SRPRA: variants seen among roughly 807,000 people sequenced by gnomAD.
SRPRA encodes SRP receptor subunit alpha.
Under a neutral mutation model 61.1 loss-of-function variants are expected in SRPRA, and 30 were observed. The observed-to-expected ratio is 0.49, with a 90% CI of 0.37 to 0.67. The LOEUF is 0.67. SRPRA is among the 30% of genes least tolerant of loss of function. The probability of loss-of-function intolerance (pLI) is 0.00; values close to 1 mark genes in which losing one functional copy is unlikely to be tolerated. For synonymous variants in SRPRA, 324 were observed against 299.7 expected (o/e 1.08, Z -0.84); for missense variants, 759 against 828.4 (o/e 0.92, Z 1.03).
At chr11:126,242,281 G>T in the SRPRA span, among the ~76,000 whole-genome samples, 1 of 152,078 alleles carries the variant, frequency 6.6e-6, no homozygotes, top group Non-Finnish European at 1.5e-5. Context: ...AAAACTGTTA[G>T]GCTGAAAGGA....
chr11:126,266,247 T>C lies in SRPRA; in HGVS notation c.872A>G (p.Gln291Arg), dbSNP rs1950807347. ...IRGTGSGGQL[Q>R]DLDCSSSDDE... ...ATCAGAGCTGCTGCAGTCCAGATCC[T>C]GAAGCTGCCCCCCAGACCCAGTCCC... Residue 291 changes from glutamine to arginine, a missense_variant, in exon 7 of 14, where the codon CAG becomes CGG. Coordinates refer to ENST00000332118, the MANE Select transcript of SRPRA (RefSeq NM_003139.4). 1 of 1,614,044 alleles carries C rather than the reference T, an allele frequency of 6.2e-7. No homozygotes were observed. Among genetic ancestry groups the C allele is most frequent in the African/African-American group, 1.3e-5 (1 of 74,926 alleles).
In SRPRA at chr11:126,266,620, C is replaced by A. The variant is rs771110276; in HGVS notation, c.696G>T (p.Thr232=). 6.2e-7 allele frequency: 1 copy of A among 1,613,806 alleles called. No individual in the cohort carries two copies. Among genetic ancestry groups the A allele is most frequent in the East Asian group, 2.2e-5 (1 of 44,876 alleles). The change falls in exon 6 of 14, where the codon ACG becomes ACT. Residue 232 remains threonine (T), a synonymous_variant. Transcript: ENST00000332118. ...CCTTCTCCTTTGGAGCATCTGACTT[C>A]GTGGACTTGCTGCAACAGGTTATGA... The part of the protein sequence containing the change: ...GRGMEKSNKS[T]KSDAPKEKGK...
chr11:126,261,185 TGTC>T (rs1239243865), downstream of SRPRA: 2 of 352,854 alleles, frequency 5.7e-6, no homozygotes, highest in Non-Finnish European at 9.8e-6. Flanking sequence ...TAAAATGTTT[TGTC>T]TACAAGCAAT....
chr11:126,241,687 T>G, the SRPRA span, among the ~76,000 whole-genome samples: 6 of 152,118 alleles, frequency 3.9e-5, no homozygotes, highest in East Asian at 1.2e-3. Flanking sequence ...GTAGGTGGGA[T>G]TACAGGCATG....
downstream of SRPRA, among the ~76,000 whole-genome samples, chr11:126,258,685 A>G (rs572363612): frequency 6.6e-6 from 1 of 152,318 alleles, no homozygotes; most frequent in East Asian, 1.9e-4. Flanking sequence ...AGACTTTGAG[A>G]AGGCTTTTCT....
At position 126,267,572 on chromosome 11, in the gene SRPRA, T is replaced by C. The variant is rs1223475545; in HGVS notation, c.342A>G (p.Gln114=). 2 of 1,614,068 alleles carry C rather than the reference T, an allele frequency of 1.2e-6. No homozygotes were observed. Among genetic ancestry groups the C allele is most frequent in the Non-Finnish European group, 8.5e-7 (1 of 1,180,026 alleles). ...ACCGAAGGAGCCGCAGGAAGTCATTTTGGAAATCAAAAGTGCCATTTAATA... is the reference window on the plus strand; with the variant it reads ...ACCGAAGGAGCCGCAGGAAGTCATTCTGGAAATCAAAAGTGCCATTTAATA... ...LSLLNGTFDF[Q]NDFLRLLREA... The change falls in exon 3 of 14, where the codon CAA becomes CAG. Residue 114 remains glutamine, a synonymous_variant. Transcript: ENST00000332118. The surrounding 1 kb of genome is among the most constrained non-coding windows in gnomAD (Gnocchi z 4.2).
At chr11:126,259,674 C>G (rs944060454), downstream of SRPRA, among the ~76,000 whole-genome samples, 1 of 151,702 alleles carries the variant, frequency 6.6e-6, no homozygotes, top group Non-Finnish European at 1.5e-5. Flanking sequence ...ATCCACCCGC[C>G]CTGGCCTCCC....
Position 126,264,591 on chromosome 11 carries a change from G to T in SRPRA, c.1526-52C>A. Reference sequence around the variant, plus strand: ...AACACCTGGACTACCACTCATGCTCGTTCCCAGCTTCCTCTCAAAAAGTCC... The same window carrying T: ...AACACCTGGACTACCACTCATGCTCTTTCCCAGCTTCCTCTCAAAAAGTCC... On this transcript the variant is annotated intron_variant, in intron 11 of 13. Coordinates refer to ENST00000332118, the MANE Select transcript of SRPRA (RefSeq NM_003139.4). This position sits in a 1 kb window ranked among gnomAD's most constrained non-coding sequence, Gnocchi z 5.0. 6.3e-7 allele frequency: 1 copy of T among 1,589,774 alleles called. No individual in the cohort carries two copies.
In SRPRA at chr11:126,265,033, C is replaced by T. The variant is rs569693482; in HGVS notation, c.1451G>A (p.Arg484His). The change falls in exon 11 of 14, where the codon CGC (arginine) becomes CAC (histidine). Residue 484 changes from arginine to histidine, a missense_variant. Transcript: ENST00000332118. The surrounding 1 kb of genome is among the most constrained non-coding windows in gnomAD (Gnocchi z 6.3). ...ALHPPEKHGGRTMVQLFEKGY... is the reference protein window; with the variant it reads ...ALHPPEKHGGHTMVQLFEKGY... ...CTTTTCAAACAACTGCACCATGGTG[C>T]GGCCACCATGCTTCTCTGGAGGGTG... The T allele has an allele frequency of 1.5e-5, 24 of 1,614,160 alleles. 1 individual carries two copies. The highest frequency in any genetic ancestry group is 9.9e-5 in the South Asian group (9 of 91,082).
At chr11:126,260,377 T>C (rs1406559782), downstream of SRPRA, 3 of 145,398 alleles carry the variant, frequency 2.1e-5, no homozygotes, top group Non-Finnish European at 4.4e-5. Context: ...TTTTTCATAG[T>C]TGTAAACAAA....
At chr11:126,266,980 T>C in intron 4 of SRPRA, 58 bp from the exon 5 acceptor site, 1 of 1,570,692 alleles carries the variant, frequency 6.4e-7, no homozygotes, top group Non-Finnish European at 8.6e-7. Flanking sequence ...CACTAGACAA[T>C]GGCTAAAAGT....
chr11:126,264,819 G>A lies in SRPRA; in HGVS notation c.1525+140C>T, dbSNP rs1591537023. ...CATCTGTTATCCAAAAGCAGAGCAT[G>A]GCAAGTAACTGATCTGACTTTTTAC... On this transcript the variant is annotated intron_variant, in intron 11 of 13. Transcript: ENST00000332118. This position sits in a 1 kb window ranked among gnomAD's most constrained non-coding sequence, Gnocchi z 5.0. 2 of 871,466 alleles carry A rather than the reference G, an allele frequency of 2.3e-6. No individual in the cohort carries two copies. Among genetic ancestry groups the A allele is most frequent in the South Asian group, 1.8e-5 (1 of 56,106 alleles). The allele number at this position is 871,466 out of a possible 1,614,324, so 54.0% of individuals were successfully genotyped here.
chr11:126,242,330 C>A, the SRPRA span, among the ~76,000 whole-genome samples: 1 of 152,054 alleles, frequency 6.6e-6, no homozygotes, highest in African/African-American at 2.4e-5. Flanking sequence ...TGGCTCATGC[C>A]TATAATCCCA....
chr11:126,267,880 C>A lies in SRPRA; in HGVS notation c.201+123G>T. The A allele has an allele frequency of 7.2e-7, 1 of 1,382,458 alleles. No homozygotes were observed. The allele number at this position is 1,382,458 out of a possible 1,614,324, so 85.6% of individuals were successfully genotyped here. ...TGGGCCCAGTAGCTGCTGTTTTCCC[C>A]CATCTACCTTTCTAGTTTTTTCAGT... is the stretch of plus-strand genomic sequence containing the variant. On this transcript the variant is annotated intron_variant, in intron 2 of 13. Coordinates refer to ENST00000332118, the MANE Select transcript of SRPRA (RefSeq NM_003139.4). The surrounding 1 kb of genome is among the most constrained non-coding windows in gnomAD (Gnocchi z 4.2).
At chr11:126,240,208 G>A in the SRPRA span, among the ~76,000 whole-genome samples, 3 of 150,902 alleles carry the variant, frequency 2.0e-5, no homozygotes, top group African/African-American at 2.4e-5. Context: ...CCTTTGATTA[G>A]TTAATGTCTT....
At chr11:126,262,099 C>G (rs867961710), downstream of SRPRA, 1 of 1,613,814 alleles carries the variant, frequency 6.2e-7, no homozygotes. Context: ...TCATTTTGTT[C>G]TCTTTTCTTT....
Position 126,267,066 on chromosome 11 carries a change from C to T in SRPRA, c.526+109G>A. 1 of 1,529,948 alleles carries T rather than the reference C, an allele frequency of 6.5e-7. No homozygotes were observed. The highest frequency in any genetic ancestry group is 1.2e-5 in the South Asian group (1 of 80,304). The allele number at this position is 1,529,948 out of a possible 1,614,324, so 94.8% of individuals were successfully genotyped here. A position where few individuals can be genotyped will look rare whatever the true frequency, so the allele number is the denominator to read the frequency against. ...GGCCTGGGGATTATAGGATGGTGAC[C>T]ATTTGAGTGAGAAGCAGGTAAGCAA... On this transcript the variant is annotated intron_variant, in intron 4 of 13. Coordinates refer to ENST00000332118, the MANE Select transcript of SRPRA (RefSeq NM_003139.4). The surrounding 1 kb of genome is among the most constrained non-coding windows in gnomAD (Gnocchi z 4.2).
chr11:126,265,545 T>TC lies in SRPRA; in HGVS notation c.1139-106dup. On this transcript the variant is annotated intron_variant, in intron 9 of 13. Coordinates refer to ENST00000332118, the MANE Select transcript of SRPRA (RefSeq NM_003139.4). This position sits in a 1 kb window ranked among gnomAD's most constrained non-coding sequence, Gnocchi z 6.3. Reference sequence around the variant, plus strand: ...AGGGGACTAAAACAGTAAATTAGACTCTTGTCCCAGAAATCCAGAACAGAC... The same window carrying TC: ...AGGGGACTAAAACAGTAAATTAGACTCCTTGTCCCAGAAATCCAGAACAGAC... 7.4e-7 allele frequency: 1 copy of TC among 1,356,526 alleles called. No individual in the cohort carries two copies. The highest frequency in any genetic ancestry group is 1.0e-6 in the Non-Finnish European group (1 of 994,586). 84.0% of individuals were successfully genotyped at this position (1,356,526 alleles called of 1,614,324 possible).
chr11:126,264,588 C>T lies in SRPRA; in HGVS notation c.1526-49G>A, dbSNP rs774159119. ...CTGAACACCTGGACTACCACTCATG[C>T]TCGTTCCCAGCTTCCTCTCAAAAAG... On this transcript the variant is annotated intron_variant, in intron 11 of 13. Transcript: ENST00000332118. The surrounding 1 kb of genome is among the most constrained non-coding windows in gnomAD (Gnocchi z 5.0). 1.3e-6 allele frequency: 2 copies of T among 1,594,582 alleles called. No individual in the cohort carries two copies. The highest frequency in any genetic ancestry group is 1.3e-5 in the African/African-American group (1 of 74,496).
Sources: gnomAD v4.1 joint callset for allele counts (sites outside exome capture counted in the v4.1 genomes callset) on GRCh38, gnomAD v4.1.1 for gene constraint, Gnocchi (gnomAD v3.1) non-coding constraint, MANE v1.5 for transcripts, NCBI Gene and HGNC (gene_info 2026-07-23, HGNC 2026-07-21) for gene names.